Variants in TMEM217B observed in about 807,000 individuals in gnomAD.
The protein encoded by TMEM217B is putative transmembrane protein 217B.
chr6:37,231,266 C>T, the TMEM217B span, among the ~76,000 whole-genome samples: 1 of 130,516 alleles, frequency 7.7e-6, no homozygotes, highest in Non-Finnish European at 1.6e-5. Flanking sequence ...AACGGGCTTT[C>T]ACCACGTTGG....
chr6:37,254,621 T>C, the TMEM217B span, among the ~76,000 whole-genome samples: 1 of 152,234 alleles, frequency 6.6e-6, no homozygotes, highest in Non-Finnish European at 1.5e-5. Context: ...TTTCCTAACA[T>C]AAAAATATGT....
At chr6:37,238,472 G>T in the TMEM217B span, among the ~76,000 whole-genome samples, 1 of 152,094 alleles carries the variant, frequency 6.6e-6, no homozygotes, top group Non-Finnish European at 1.5e-5. Flanking sequence ...ATGGCAATGA[G>T]CCCAGACCCA....
At chr6:37,225,026 A>C in the TMEM217B span, among the ~76,000 whole-genome samples, 1 of 150,980 alleles carries the variant, frequency 6.6e-6, no homozygotes, top group Non-Finnish European at 1.5e-5. Context: ...AAAAAAAAAA[A>C]CACCACCACC....
At chr6:37,218,718 C>T in the TMEM217B span, 1 of 1,614,028 alleles carries the variant, frequency 6.2e-7, no homozygotes, top group Non-Finnish European at 8.5e-7. Context: ...TTTGCAGTTT[C>T]ATAGAAAAAA....
chr6:37,251,838 G>C, the TMEM217B span, among the ~76,000 whole-genome samples: 1 of 152,098 alleles, frequency 6.6e-6, no homozygotes, highest in East Asian at 1.9e-4. Context: ...ACCAATGATG[G>C]GCCAAATCTG....
the TMEM217B span, among the ~76,000 whole-genome samples, chr6:37,241,747 T>C: frequency 1.3e-5 from 2 of 152,232 alleles, no homozygotes; most frequent in East Asian, 3.8e-4. Context: ...ATTTTGTATA[T>C]ATATAAGCTT....
chr6:37,228,566 T>A, the TMEM217B span, among the ~76,000 whole-genome samples: 1 of 152,058 alleles, frequency 6.6e-6, no homozygotes, highest in East Asian at 1.9e-4. Flanking sequence ...TAGCCAGACG[T>A]GGTGGCATGT....
chr6:37,230,557 A>G, the TMEM217B span, among the ~76,000 whole-genome samples: 1 of 152,206 alleles, frequency 6.6e-6, no homozygotes, highest in Non-Finnish European at 1.5e-5. Flanking sequence ...GGACACAGAC[A>G]CACAGAGAGG....
the TMEM217B span, among the ~76,000 whole-genome samples, chr6:37,255,902 C>A: frequency 2.6e-5 from 4 of 152,134 alleles, no homozygotes; most frequent in African/African-American, 7.2e-5. Context: ...TTTAAAAAAT[C>A]TTGGAGGGGA....
chr6:37,218,486 A>G, the TMEM217B span: 1 of 1,613,898 alleles, frequency 6.2e-7, no homozygotes. Context: ...CGAAATTGAT[A>G]ATCTTTTATT....
chr6:37,227,142 G>A, the TMEM217B span, among the ~76,000 whole-genome samples: 1 of 152,112 alleles, frequency 6.6e-6, no homozygotes, highest in East Asian at 1.9e-4. Context: ...TGTGTCTTGT[G>A]GGTTTCAGGG....
At chr6:37,226,230 C>T in the TMEM217B span, among the ~76,000 whole-genome samples, 4 of 151,492 alleles carry the variant, frequency 2.6e-5, no homozygotes, top group African/African-American at 9.7e-5. Flanking sequence ...CTCAAGATCA[C>T]CATTCTCTTT....
chr6:37,235,609 G>A, the TMEM217B span, among the ~76,000 whole-genome samples: 262 of 44,276 alleles, frequency 5.9e-3, no homozygotes, highest in Middle Eastern at 0.029. Context: ...CTTGTGATCC[G>A]TCCACCTTGG....
chr6:37,224,615 G>A, the TMEM217B span, among the ~76,000 whole-genome samples: 3 of 149,442 alleles, frequency 2.0e-5, no homozygotes, highest in Non-Finnish European at 4.5e-5. Flanking sequence ...ACAAACAAAC[G>A]AAAAAAAAAC....
At chr6:37,218,925 G>T in the TMEM217B span, 1 of 1,614,168 alleles carries the variant, frequency 6.2e-7, no homozygotes, top group Non-Finnish European at 8.5e-7. Flanking sequence ...TTCCCTAGGT[G>T]CTTCTGTTCA....
At chr6:37,227,680 G>A in the TMEM217B span, among the ~76,000 whole-genome samples, 4 of 151,818 alleles carry the variant, frequency 2.6e-5, no homozygotes, top group Admixed American at 6.6e-5. Context: ...TCCTGACCTC[G>A]TGATCCACCC....
chr6:37,213,614 G>A, the TMEM217B span, among the ~76,000 whole-genome samples: 4,819 of 152,344 alleles, frequency 0.032, 245 homozygotes, highest in African/African-American at 0.11. Context: ...CCACCATTGT[G>A]CAGGTGAAGG....
the TMEM217B span, among the ~76,000 whole-genome samples, chr6:37,229,041 G>A: frequency 1.3e-5 from 2 of 151,530 alleles, no homozygotes; most frequent in Admixed American, 1.3e-4. Context: ...TAATAATAAC[G>A]AACATTTAAT....
At chr6:37,224,790 TATG>T in the TMEM217B span, among the ~76,000 whole-genome samples, 2 of 152,050 alleles carry the variant, frequency 1.3e-5, no homozygotes, top group African/African-American at 4.8e-5. Context: ...GAGCACACAG[TATG>T]ATGATAACCT....
Sources: allele counts gnomAD v4.1 joint callset (sites outside exome capture counted in the v4.1 genomes callset), GRCh38; gene constraint gnomAD v4.1.1; transcripts MANE v1.5; gene names NCBI Gene and HGNC (gene_info 2026-07-23, HGNC 2026-07-21).